Variants in PSG6 observed in about 807,000 individuals in gnomAD.
PSG6 encodes the protein pregnancy specific beta-1-glycoprotein 6.
PSG6 carries 51 observed loss-of-function variants against 43.3 expected under a neutral mutation model. The ratio of observed to expected loss-of-function variants is 1.18; its 90% CI spans 0.94 to 1.49. The LOEUF (loss-of-function observed/expected upper bound fraction) is 1.49, where lower values mean the gene tolerates loss of function less well. Among genes scored for constraint, PSG6 ranks in the 40% most tolerant of loss-of-function variants. The probability of loss-of-function intolerance (pLI) is 0.00; values close to 1 mark genes in which losing one functional copy is unlikely to be tolerated. For missense variants in PSG6, 770 were observed against 522.2 expected, an observed-to-expected ratio of 1.47 and a Z score of -4.62; for synonymous variants, 292 against 197.6, an observed-to-expected ratio of 1.48 and a Z score of -4.01.
intron 5 of PSG6, among the ~76,000 whole-genome samples, chr19:42,903,161 T>C (rs1736676783): frequency 6.6e-6 from 1 of 151,644 alleles, no homozygotes. Flanking sequence ...ATGATGGTAG[T>C]AATATAGCAG....
Position 42,906,994 on chromosome 19 carries a change from G to C in PSG6, c.1168C>G (p.Leu390Val), listed in dbSNP as rs762378045. 2.5e-6 allele frequency: 4 copies of C among 1,612,336 alleles called. No individual in the cohort carries two copies. The highest frequency in any genetic ancestry group is 3.4e-6 in the Non-Finnish European group (4 of 1,179,100). The change falls in exon 5 of 6, where the codon CTC becomes GTC. Residue 390 changes from leucine (L) to valine (V), a missense_variant. By Grantham distance (32) the Leu-to-Val change is conservative. Coordinates refer to ENST00000187910, the MANE Select transcript of PSG6 (RefSeq NM_001031850.4). ...IPQITTNHSGLYACSVRNSAT... is the reference protein window; with the variant it reads ...IPQITTNHSGVYACSVRNSAT... ...GAGTTACGAACAGAGCAAGCATAGA[G>C]CCCGCTATGATTTGTAGTAATTTGG...
At position 42,909,807 on chromosome 19, in the gene PSG6, T is replaced by G. The variant is rs117422666; in HGVS notation, c.706+773A>C. 1,320 of 151,874 alleles carry G rather than the reference T, an allele frequency of 8.7e-3. 39 individuals are homozygous for G. Among genetic ancestry groups the G allele is most frequent in the Non-Finnish European group, 0.015 (1,010 of 68,060 alleles). The allele number at this position is 151,874 out of a possible 1,614,324, so 9.4% of individuals were successfully genotyped here. A position where few individuals can be genotyped will look rare whatever the true frequency, so the allele number is the denominator to read the frequency against. On this transcript the variant is annotated intron_variant, in intron 3 of 5. Transcript: ENST00000187910. ...GTTTTGGAGCAGAAACATATTCCCT[T>G]TCCTGGGTTTTGATTTTCCCTCTCC... is the stretch of plus-strand genomic sequence containing the variant.
rs1423318038 is a variant in PSG6 at position 42,917,855 on chromosome 19, G to A, written c.-63C>T. 6 of 1,570,396 alleles carry A rather than the reference G, an allele frequency of 3.8e-6. No homozygotes were observed. The highest frequency in any genetic ancestry group is 4.6e-5 in the East Asian group (2 of 43,856). On this transcript the variant is annotated 5_prime_UTR_variant, in exon 1 of 6. Coordinates refer to ENST00000187910, the MANE Select transcript of PSG6 (RefSeq NM_001031850.4). ...AGCCTAGGATCCAGAGACTTCCTGA[G>A]CAGGGCTGTCAGGTGTGCTGTCCTT... is the stretch of plus-strand genomic sequence containing the variant.
In PSG6 at chr19:42,916,287, T is replaced by C. The variant is rs147128116; in HGVS notation, c.265A>G (p.Ile89Val). 6.8e-5 allele frequency: 109 copies of C among 1,611,966 alleles called. 2 individuals carry two copies. Among genetic ancestry groups the C allele is most frequent in the Non-Finnish European group, 8.2e-5 (97 of 1,179,102 alleles). Residue 89 changes from isoleucine (I) to valine (V), a missense_variant, in exon 2 of 6, where the codon ATA becomes GTA. Physicochemically the swap from Ile to Val is conservative, Grantham distance 29 (BLOSUM62 3). Coordinates refer to ENST00000187910, the MANE Select transcript of PSG6 (RefSeq NM_001031850.4). ...ITSYVVHGQI[I>V]YGPAYSGRET... ...CGTCCACTGTAGGCAGGCCCATATA[T>C]AATTTGACCGTGTACTACATATGAT...
intron 5 of PSG6, chr19:42,903,570 A>T: frequency 7.1e-7 from 1 of 1,411,516 alleles, no homozygotes; most frequent in Non-Finnish European, 9.3e-7. Context: ...AGAAAAAAAG[A>T]GAAAAGATAA....
At chr19:42,916,652 G>A (rs569718890) in intron 1 of PSG6, among the ~76,000 whole-genome samples, 165 bp from the exon 2 acceptor site, 57 of 151,044 alleles carry the variant, frequency 3.8e-4, no homozygotes, top group African/African-American at 1.2e-3. Flanking sequence ...TTGTGTGTGT[G>A]TATGTGTGTG....
At chr19:42,910,451 C>A (rs1438111024) in intron 3 of PSG6, 129 bp downstream of exon 3, 4 of 1,607,472 alleles carry the variant, frequency 2.5e-6, no homozygotes, top group Non-Finnish European at 3.4e-6. Context: ...AGCAGAAAGT[C>A]ATGGCCAGCT....
chr19:42,911,424 G>A (rs1015271119), intron 2 of PSG6, among the ~76,000 whole-genome samples: 1 of 151,322 alleles, frequency 6.6e-6, no homozygotes, highest in South Asian at 2.1e-4. Context: ...TCAGTCATCA[G>A]GCAGTGGAGC....
chr19:42,915,058 A>G (rs1194737235), intron 2 of PSG6, among the ~76,000 whole-genome samples: 2 of 151,582 alleles, frequency 1.3e-5, no homozygotes, highest in African/African-American at 4.8e-5. Context: ...TTGAGTCAAT[A>G]AATGACTATG....
chr19:42,906,062 A>G (rs561071709), intron 5 of PSG6, among the ~76,000 whole-genome samples: 1 of 151,704 alleles, frequency 6.6e-6, no homozygotes, highest in Admixed American at 6.6e-5. Context: ...ATATATATAA[A>G]GTGTCTCGTG....
intron 2 of PSG6, among the ~76,000 whole-genome samples, chr19:42,911,986 G>T (rs572795636): frequency 6.6e-6 from 1 of 151,500 alleles, no homozygotes; most frequent in Non-Finnish European, 1.5e-5. Flanking sequence ...GTGCAGCCTC[G>T]TGCCTATACT....
At chr19:42,916,610 A>T in intron 1 of PSG6, 123 bp from the exon 2 acceptor site, 1 of 1,348,688 alleles carries the variant, frequency 7.4e-7, no homozygotes, top group South Asian at 1.4e-5. Flanking sequence ...ACACACACAT[A>T]CAAACACACA....
intron 2 of PSG6, among the ~76,000 whole-genome samples, chr19:42,912,392 C>T (rs1412515971): frequency 2.0e-5 from 3 of 151,660 alleles, no homozygotes; most frequent in African/African-American, 7.3e-5. Flanking sequence ...TGCTGGTAGT[C>T]ATATTTCTCT....
At position 42,902,387 on chromosome 19, in the gene PSG6, C is replaced by G. The variant is rs1348599843; in HGVS notation, c.*25G>C. 1.2e-5 allele frequency: 19 copies of G among 1,608,328 alleles called. No individual in the cohort carries two copies. The highest frequency in any genetic ancestry group is 1.4e-5 in the Non-Finnish European group (17 of 1,176,840). On this transcript the variant is annotated 3_prime_UTR_variant, in exon 6 of 6. Transcript: ENST00000187910. ...ATGAAGGTATCAACCTGTTCTTTTT[C>G]TCAGTGTCTCTATTGTGGCAGCCAT...
rs527398433 is a variant in PSG6 at position 42,903,861 on chromosome 19, C to T, written c.1241-1415G>A. ...TGAGCCATAATCACACCACTGTATT[C>T]CATCCTAGGGTGGCCTACAGAGTGA... is the stretch of plus-strand genomic sequence containing the variant. On this transcript the variant is annotated intron_variant, in intron 5 of 5. Transcript: ENST00000187910. 1.8e-4 allele frequency: 217 copies of T among 1,178,966 alleles called. 1 individual carries two copies. The highest frequency in any genetic ancestry group is 2.3e-4 in the Non-Finnish European group (209 of 902,846). 73.0% of individuals were successfully genotyped at this position (1,178,966 alleles called of 1,614,324 possible).
At chr19:42,910,982 G>A in intron 2 of PSG6, 124 bp from the exon 3 acceptor site, 2 of 1,499,428 alleles carry the variant, frequency 1.3e-6, no homozygotes, top group Non-Finnish European at 1.8e-6. Flanking sequence ...GCCCATGGCA[G>A]GTGTGTGTGT....
chr19:42,909,339 G>A (rs1420920238), intron 3 of PSG6, among the ~76,000 whole-genome samples: 3 of 151,530 alleles, frequency 2.0e-5, no homozygotes, highest in African/African-American at 7.3e-5. Flanking sequence ...TATGTCATCA[G>A]AACTTTCCAC....
intron 2 of PSG6, among the ~76,000 whole-genome samples, chr19:42,915,032 C>T (rs1420026807): frequency 6.6e-6 from 1 of 151,534 alleles, no homozygotes; most frequent in Non-Finnish European, 1.5e-5. Flanking sequence ...GGTTTGGATG[C>T]CTAAGAAGAG....
At chr19:42,915,907 T>G in intron 2 of PSG6, 1 of 687,060 alleles carries the variant, frequency 1.5e-6, no homozygotes, top group Non-Finnish European at 2.3e-6. Flanking sequence ...CTGTCCTTCC[T>G]CTGCAGCGAG....
Sources: gnomAD v4.1 joint callset for allele counts (sites outside exome capture counted in the v4.1 genomes callset) on GRCh38, gnomAD v4.1.1 for gene constraint, MANE v1.5 for transcripts, NCBI Gene and HGNC (gene_info 2026-07-23, HGNC 2026-07-21) for gene names.